Variants in HDAC9 observed in about 807,000 individuals in gnomAD.
The protein encoded by HDAC9 is histone deacetylase 9.
A neutral mutation model predicts 139.4 loss-of-function variants in HDAC9; 41 were observed. That is an observed-to-expected ratio of 0.29 (90% confidence interval 0.23 to 0.38). The LOEUF (loss-of-function observed/expected upper bound fraction) is 0.38, where lower values mean the gene tolerates loss of function less well. HDAC9 is among the 10% of genes least tolerant of loss of function. HDAC9 has a pLI of 1.00. For synonymous variants in HDAC9, 517 were observed against 476.2 expected (o/e 1.09, Z -1.12); for missense variants, 1,147 against 1,297.0 (o/e 0.88, Z 1.78).
chr7:18,142,857 G>C (rs1352009162), intron 1 of HDAC9, among the ~76,000 whole-genome samples: 1 of 152,176 alleles, frequency 6.6e-6, no homozygotes, highest in African/African-American at 2.4e-5. Flanking sequence ...GCTCCCAAGT[G>C]TGTGGCGTAA....
chr7:18,664,633 G>A (rs1163013998), intron 11 of HDAC9, among the ~76,000 whole-genome samples: 2 of 151,834 alleles, frequency 1.3e-5, no homozygotes, highest in Non-Finnish European at 2.9e-5. Context: ...TTCCGCCCCT[G>A]CTTCCCACCC....
chr7:18,385,532 G>T (rs1004979753), intron 1 of HDAC9, among the ~76,000 whole-genome samples: 1 of 152,132 alleles, frequency 6.6e-6, no homozygotes, highest in Non-Finnish European at 1.5e-5. Context: ...GTCTGTGGTA[G>T]GGTCTTTCCC....
upstream of HDAC9, among the ~76,000 whole-genome samples, chr7:18,286,742 G>T (rs975669557): frequency 6.6e-6 from 1 of 151,972 alleles, no homozygotes; most frequent in Admixed American, 6.6e-5. Context: ...TATTAATTTT[G>T]TAAATAGGAA....
intron 17 of HDAC9, among the ~76,000 whole-genome samples, chr7:18,810,648 A>AC (rs1443407356): frequency 1.3e-5 from 2 of 151,852 alleles, no homozygotes; most frequent in Non-Finnish European, 3.0e-5. Context: ...TATTTAAATC[A>AC]CCCCAGAAAG....
At chr7:18,752,783 A>G (rs1281787978) in intron 14 of HDAC9, among the ~76,000 whole-genome samples, 1 of 152,142 alleles carries the variant, frequency 6.6e-6, no homozygotes, top group African/African-American at 2.4e-5. Context: ...CAGTATCCAC[A>G]TAGTCGTCTG....
At chr7:18,103,078 G>A (rs192883281) in intron 1 of HDAC9, among the ~76,000 whole-genome samples, 12 of 152,304 alleles carry the variant, frequency 7.9e-5, no homozygotes, top group African/African-American at 2.9e-4. Flanking sequence ...CATGGTGGAA[G>A]GCAAAGGAGC....
chr7:18,629,500 G>A lies in HDAC9; in HGVS notation c.796+19G>A. The A allele has an allele frequency of 1.2e-6, 2 of 1,605,352 alleles. No individual in the cohort carries two copies. Among genetic ancestry groups the A allele is most frequent in the Non-Finnish European group, 8.5e-7 (1 of 1,175,436 alleles). ...GTGACAGGTAATTGAGGACTGGGCA[G>A]ACCTATGAATGCTGGGAGTAGGAAT... On this transcript the variant is annotated intron_variant, in intron 7 of 25. Transcript: ENST00000686413.
chr7:18,365,893 C>A (rs1011302240), intron 1 of HDAC9, among the ~76,000 whole-genome samples: 1 of 151,272 alleles, frequency 6.6e-6, no homozygotes. Flanking sequence ...ATGAATGTAA[C>A]ATCATGCCTG....
intron 22 of HDAC9, among the ~76,000 whole-genome samples, chr7:18,910,922 G>A (rs892686039): frequency 8.6e-5 from 13 of 151,540 alleles, no homozygotes; most frequent in African/African-American, 2.7e-4. Context: ...ATTTTGTTTT[G>A]TCCTTATTTG....
chr7:18,646,011 G>C (rs1228190615), intron 9 of HDAC9, among the ~76,000 whole-genome samples: 2 of 151,990 alleles, frequency 1.3e-5, no homozygotes, highest in Non-Finnish European at 2.9e-5. Context: ...TGAAAATACA[G>C]AATTCAGCTA....
intron 1 of HDAC9, among the ~76,000 whole-genome samples, chr7:18,463,955 C>A (rs1031073202): frequency 1.3e-5 from 2 of 151,928 alleles, no homozygotes; most frequent in Non-Finnish European, 2.9e-5. Flanking sequence ...TGTTGAGACT[C>A]CTCTGGTCAA....
At chr7:18,514,397 A>T (rs1186334896) in intron 2 of HDAC9, among the ~76,000 whole-genome samples, 1 of 152,162 alleles carries the variant, frequency 6.6e-6, no homozygotes, top group South Asian at 2.1e-4. Context: ...TTTTCTTCCA[A>T]TCTCTTTGCC....
At chr7:18,512,331 G>GT (rs1218113250) in intron 2 of HDAC9, among the ~76,000 whole-genome samples, 1 of 152,002 alleles carries the variant, frequency 6.6e-6, no homozygotes, top group Non-Finnish European at 1.5e-5. Context: ...ATATTGCTCA[G>GT]TACAAGGTCA....
intron 2 of HDAC9, among the ~76,000 whole-genome samples, chr7:18,211,653 G>A (rs1299030541): frequency 6.6e-6 from 1 of 152,158 alleles, no homozygotes; most frequent in Non-Finnish European, 1.5e-5. Flanking sequence ...CTACATCTGT[G>A]CCTGGATAGA....
Position 18,942,191 on chromosome 7 carries a change from T to C in HDAC9, c.2937+6249T>C, listed in dbSNP as rs141503567. ...AACAAAGTGCTTTGGGAATATAACA[T>C]AAAACCATTGTTTTTAACTACAGAG... On this transcript the variant is annotated intron_variant, in intron 23 of 25. Coordinates refer to ENST00000686413, the MANE Select transcript of HDAC9 (RefSeq NM_178425.4). Among the ~76,000 whole-genome samples the C allele has an allele frequency of 8.5e-5, 13 of 152,192 alleles. No homozygotes were observed. The East Asian group carries it at 2.3e-3, about 27-fold the overall frequency.
chr7:18,434,387 A>G (rs1050719319), intron 1 of HDAC9, among the ~76,000 whole-genome samples: 1 of 152,240 alleles, frequency 6.6e-6, no homozygotes, highest in African/African-American at 2.4e-5. Flanking sequence ...TTGCAACAAA[A>G]ACAAACATTG....
At chr7:18,272,245 T>C (rs1796400009) in intron 2 of HDAC9, among the ~76,000 whole-genome samples, 1 of 152,208 alleles carries the variant, frequency 6.6e-6, no homozygotes, top group African/African-American at 2.4e-5. Context: ...GCATAGGTGC[T>C]TTCCTATTTG....
intron 13 of HDAC9, among the ~76,000 whole-genome samples, 186 bp downstream of exon 13, chr7:18,727,943 G>A (rs560653612): frequency 3.9e-5 from 6 of 152,200 alleles, no homozygotes; most frequent in Non-Finnish European, 7.3e-5. Flanking sequence ...CTTGGGCTTA[G>A]TACTAATAGC....
chr7:18,308,260 C>T (rs1483506193), intron 1 of HDAC9, among the ~76,000 whole-genome samples: 1 of 152,134 alleles, frequency 6.6e-6, no homozygotes, highest in Non-Finnish European at 1.5e-5. Context: ...TTTGCAAAAC[C>T]AAGCCTACGT....
Sources: gnomAD v4.1 joint callset for allele counts (sites outside exome capture counted in the v4.1 genomes callset) on GRCh38, gnomAD v4.1.1 for gene constraint, MANE v1.5 for transcripts, NCBI Gene and HGNC (gene_info 2026-07-23, HGNC 2026-07-21) for gene names.